TBL3: variants seen among roughly 807,000 people sequenced by gnomAD.
TBL3 encodes the protein transducin beta-like protein 3.
A neutral mutation model predicts 102.7 loss-of-function variants in TBL3; 71 were observed. The observed-to-expected ratio is 0.69, with a 90% confidence interval of 0.57 to 0.84. The LOEUF (loss-of-function observed/expected upper bound fraction) is 0.84, where lower values mean the gene tolerates loss of function less well. Ranked by LOEUF, TBL3 falls within the 40% of genes least tolerant of loss-of-function variation. TBL3 has a pLI of 0.00. For missense variants in TBL3, 1,188 were observed against 1,098.5 expected, an observed-to-expected ratio of 1.08 and a Z score of -1.15; for synonymous variants, 578 against 477.7, an observed-to-expected ratio of 1.21 and a Z score of -2.74.
In TBL3 at chr16:1,978,870, C is replaced by A; in HGVS notation, c.*185C>A. 1 of 1,079,858 alleles carries A rather than the reference C, an allele frequency of 9.3e-7. No individual in the cohort carries two copies. The highest frequency in any genetic ancestry group is 1.3e-6 in the Non-Finnish European group (1 of 763,292). The allele number at this position is 1,079,858 out of a possible 1,614,324, so 66.9% of individuals were successfully genotyped here. The stretch of plus-strand genomic sequence containing the variant: ...CTGCCACGCCCATCCCGCACCCTGG[C>A]CTGGCAGAGATCCAGCCCGCGGCTC... On this transcript the variant is annotated 3_prime_UTR_variant, in exon 22 of 22. Coordinates refer to ENST00000568546, the MANE Select transcript of TBL3 (RefSeq NM_006453.3).
At chr16:1,977,861 C>T (rs1225869697) in intron 18 of TBL3, 61 bp downstream of exon 18, 10 of 1,584,682 alleles carry the variant, frequency 6.3e-6, no homozygotes, top group Non-Finnish European at 7.7e-6. Context: ...GTAGGGAAAA[C>T]GAGGCTGAGT....
chr16:1,974,809 C>T lies in TBL3; in HGVS notation c.426C>T (p.Tyr142=), dbSNP rs754673168. 29 of 1,613,194 alleles carry T rather than the reference C, an allele frequency of 1.8e-5. No homozygotes were observed. The highest frequency in any genetic ancestry group is 9.3e-5 in the African/African-American group (7 of 74,944). The change falls in exon 6 of 22, where the codon TAC becomes TAT. Residue 142 remains tyrosine (Y), a synonymous_variant. Coordinates refer to ENST00000568546, the MANE Select transcript of TBL3 (RefSeq NM_006453.3). ...GCGTCTGGGACATCGTGCGGCACTA[C>T]GGGACACACCACTTCCGAGGCTCGC... ...AVRVWDIVRH[Y]GTHHFRGSPG... is the part of the protein sequence containing the mutation.
intron 11 of TBL3, 39 bp from the exon 12 acceptor site, chr16:1,976,017 G>T: frequency 6.2e-7 from 1 of 1,614,146 alleles, no homozygotes; most frequent in East Asian, 2.2e-5. Context: ...CCCTTCCCCC[G>T]TCTTGCTGTG....
Position 1,978,766 on chromosome 16 carries a change from G to C in TBL3, c.*81G>C. 3.9e-6 allele frequency: 6 copies of C among 1,528,186 alleles called. No individual in the cohort carries two copies. The highest frequency in any genetic ancestry group is 2.4e-5 in the South Asian group (2 of 81,858). The allele number at this position is 1,528,186 out of a possible 1,614,324, so 94.7% of individuals were successfully genotyped here. A position where few individuals can be genotyped will look rare whatever the true frequency, so the allele number is the denominator to read the frequency against. On this transcript the variant is annotated 3_prime_UTR_variant, in exon 22 of 22. Transcript: ENST00000568546. ...CTCTCCTGGCCGGCTCTGTCTCTCT[G>C]GACTGCAGTCCAGCCCCCCACCCTG... is the stretch of plus-strand genomic sequence containing the variant.
rs931657810 is a variant in TBL3, at chr16:1,982,849, GTCGCGGCTGCAGTGAACAAGA to G, written c.*4170_*4190del. 1.3e-5 allele frequency: 2 copies of G among 151,892 alleles called. No homozygotes were observed. Among genetic ancestry groups the G allele is most frequent in the Non-Finnish European group, 2.9e-5 (2 of 68,026 alleles). 9.4% of individuals were successfully genotyped at this position (151,892 alleles called of 1,614,324 possible). ...GTGGGAGATCACTTGAGCCTAAGCAGTCGCGGCTGCAGTGAACAAGATCGCGCCACTGCACTCCACCCTGGG... is the reference window on the plus strand; with the variant it reads ...GTGGGAGATCACTTGAGCCTAAGCAGTCGCGCCACTGCACTCCACCCTGGG... On this transcript the variant is annotated 3_prime_UTR_variant, in exon 22 of 22. Transcript: ENST00000568546.
rs746852842 is a variant in TBL3 at position 1,979,884 on chromosome 16, G to T, written c.*1199G>T. ...GAAACCAGGCGGTCTGCCGGTCTTC[G>T]TTCTCCACCAGCCACCAGCCTGTGC... On this transcript the variant is annotated 3_prime_UTR_variant, in exon 22 of 22. Coordinates refer to ENST00000568546, the MANE Select transcript of TBL3 (RefSeq NM_006453.3). 1 of 1,583,058 alleles carries T rather than the reference G, an allele frequency of 6.3e-7. No homozygotes were observed. Among genetic ancestry groups the T allele is most frequent in the Admixed American group, 1.8e-5 (1 of 55,742 alleles).
rs774973289 is a variant in TBL3, at chr16:1,975,590, G to A, written c.867G>A (p.Pro289=). Residue 289 remains proline (P), a synonymous_variant, in exon 10 of 22, where the codon CCG becomes CCA. Transcript: ENST00000568546. ...GTGTGTACACGCAGGCCCAGCCGCC[G>A]GGCCCTGGGCAGGAGCTGACCCACT... ...GQCVYTQAQP[P]GPGQELTHCT... is the part of the protein sequence containing the mutation. 2.9e-5 allele frequency: 47 copies of A among 1,600,274 alleles called. No homozygotes were observed. The highest frequency in any genetic ancestry group is 1.5e-4 in the Admixed American group (9 of 59,906).
At chr16:1,975,301 G>A in intron 8 of TBL3, 39 bp downstream of exon 8, 2 of 1,613,934 alleles carry the variant, frequency 1.2e-6, no homozygotes, top group Non-Finnish European at 8.5e-7. Flanking sequence ...TGAGTTGGGT[G>A]GGGAGGGGGC....
chr16:1,974,108 G>T lies in TBL3; in HGVS notation c.93+1G>T. 1.3e-6 allele frequency: 2 copies of T among 1,586,934 alleles called. No homozygotes were observed. Among genetic ancestry groups the T allele is most frequent in the Non-Finnish European group, 1.7e-6 (2 of 1,161,444 alleles). On this transcript the variant is annotated splice_donor_variant, in intron 2 of 21. Coordinates refer to ENST00000568546, the MANE Select transcript of TBL3 (RefSeq NM_006453.3). LOFTEE classifies it high-confidence loss of function. The stretch of plus-strand genomic sequence containing the variant: ...TTTCTACAAGGGCGGAAAAGCACAG[G>T]TACCAGCCTGGGGAAGGGCAGTGGG...
chr16:1,975,486 T>C (rs780628753), intron 9 of TBL3, 43 bp from the exon 10 acceptor site: 7 of 1,605,338 alleles, frequency 4.4e-6, no homozygotes, highest in Non-Finnish European at 5.9e-6. Context: ...GGGGAAGGCC[T>C]GTGGACCTGA....
chr16:1,976,363 G>T, intron 13 of TBL3, 49 bp downstream of exon 13: 1 of 1,537,730 alleles, frequency 6.5e-7, no homozygotes. Flanking sequence ...TGGAGGCCCA[G>T]GCCTGCCAGC....
At position 1,980,912 on chromosome 16, in the gene TBL3, G is replaced by A. The variant is rs2083495169; in HGVS notation, c.*2227G>A. ...GCCGCGTGGGGAAGCCGCCACCGCG[G>A]CATCAGGGTGGCCCAGGGTCACTCA... On this transcript the variant is annotated 3_prime_UTR_variant, in exon 22 of 22. Transcript: ENST00000568546. 1 of 1,597,648 alleles carries A rather than the reference G, an allele frequency of 6.3e-7. No individual in the cohort carries two copies.
intron 10 of TBL3, 47 bp from the exon 11 acceptor site, chr16:1,975,761 C>A (rs1307684359): frequency 6.2e-7 from 1 of 1,613,788 alleles, no homozygotes; most frequent in South Asian, 1.1e-5. Flanking sequence ...CAGCCCTCCT[C>A]TTACACAGGT....
At chr16:1,973,976 A>G (rs2083378591) in intron 1 of TBL3, 80 bp from the exon 2 acceptor site, 1 of 1,409,692 alleles carries the variant, frequency 7.1e-7, no homozygotes, top group East Asian at 2.5e-5. Flanking sequence ...GGTCACTTGG[A>G]GAGGAGCACC....
In TBL3 at chr16:1,981,866, G is replaced by A. The variant is rs1397466986; in HGVS notation, c.*3181G>A. 6.6e-6 allele frequency: 1 copy of A among 152,360 alleles called. No individual in the cohort carries two copies. Among genetic ancestry groups the A allele is most frequent in the East Asian group, 1.9e-4 (1 of 5,196 alleles). The allele number at this position is 152,360 out of a possible 1,614,324, so 9.4% of individuals were successfully genotyped here. A position where few individuals can be genotyped will look rare whatever the true frequency, so the allele number is the denominator to read the frequency against. On this transcript the variant is annotated 3_prime_UTR_variant, in exon 22 of 22. Transcript: ENST00000568546. ...ACCCCAGGGGTTCCCCTGCAGTGAG[G>A]AGACTTGGGGTAGGAGAAAGAGGGC...
chr16:1,978,861 G>T lies in TBL3; in HGVS notation c.*176G>T, dbSNP rs1384865043. ...GTCTCGGCCCTGCCACGCCCATCCCGCACCCTGGCCTGGCAGAGATCCAGC... is the reference window on the plus strand; with the variant it reads ...GTCTCGGCCCTGCCACGCCCATCCCTCACCCTGGCCTGGCAGAGATCCAGC... On this transcript the variant is annotated 3_prime_UTR_variant, in exon 22 of 22. Coordinates refer to ENST00000568546, the MANE Select transcript of TBL3 (RefSeq NM_006453.3). 7.3e-6 allele frequency: 8 copies of T among 1,095,406 alleles called. No individual in the cohort carries two copies. The highest frequency in any genetic ancestry group is 1.6e-5 in the African/African-American group (1 of 63,254). 67.9% of individuals were successfully genotyped at this position (1,095,406 alleles called of 1,614,324 possible).
In TBL3 at chr16:1,979,958, A is replaced by C; in HGVS notation, c.*1273A>C. 1 of 1,583,826 alleles carries C rather than the reference A, an allele frequency of 6.3e-7. No individual in the cohort carries two copies. The highest frequency in any genetic ancestry group is 1.1e-5 in the South Asian group (1 of 87,536). On this transcript the variant is annotated 3_prime_UTR_variant, in exon 22 of 22. Coordinates refer to ENST00000568546, the MANE Select transcript of TBL3 (RefSeq NM_006453.3). ...ATCTCGAGGCTCCCTCGGGTCCAGGAGCAGAGGAGCAAATCCCTGGGTTCT... is the reference window on the plus strand; with the variant it reads ...ATCTCGAGGCTCCCTCGGGTCCAGGCGCAGAGGAGCAAATCCCTGGGTTCT...
Position 1,980,996 on chromosome 16 carries a change from C to T in TBL3, c.*2311C>T, listed in dbSNP as rs1179067915. 3.7e-6 allele frequency: 6 copies of T among 1,613,154 alleles called. No homozygotes were observed. The highest frequency in any genetic ancestry group is 5.1e-6 in the Non-Finnish European group (6 of 1,180,006). On this transcript the variant is annotated 3_prime_UTR_variant, in exon 22 of 22. Coordinates refer to ENST00000568546, the MANE Select transcript of TBL3 (RefSeq NM_006453.3). The stretch of plus-strand genomic sequence containing the variant: ...GCACGAAGGTGTCGCTGCCGTCTGA[C>T]CAGCGCACAGAGAAGGCAAACGTCT...
In TBL3 at chr16:1,976,934, C is replaced by G; in HGVS notation, c.1413C>G (p.Ala471=). The change falls in exon 14 of 22, where the codon GCC becomes GCG. Residue 471 remains alanine (A), a synonymous_variant. Transcript: ENST00000568546. ...ACAACGGCCCTATCCTCCTGCAGGC[C>G]CAGACCACTCAGCGCTGCCATGATA... is the stretch of plus-strand genomic sequence containing the variant. ...APDNGPILLQ[A]QTTQRCHDKD... The G allele has an allele frequency of 6.2e-7, 1 of 1,613,990 alleles. No homozygotes were observed.
Sources: gnomAD v4.1 joint callset for allele counts on GRCh38, gnomAD v4.1.1 for gene constraint, MANE v1.5 for transcripts, NCBI Gene and HGNC (gene_info 2026-07-23, HGNC 2026-07-21) for gene names.